C7: variants seen among roughly 807,000 people sequenced by gnomAD.
C7 encodes complement C7.
In C7, 83 loss-of-function variants were observed where a neutral mutation model predicts 104.8. The observed-to-expected ratio is 0.79, with a 90% confidence interval of 0.66 to 0.95. The LOEUF (loss-of-function observed/expected upper bound fraction) is 0.95. C7 is among the 40% of genes least tolerant of loss of function. C7 has a pLI of 0.00. For synonymous variants in C7, 415 were observed against 360.6 expected (o/e 1.15, Z -1.71); for missense variants, 1,070 against 1,011.2 (o/e 1.06, Z -0.79).
chr5:40,919,584 C>T (rs324064), intron 1 of C7, among the ~76,000 whole-genome samples: 39,749 of 151,778 alleles, frequency 0.26, 5,920 homozygotes, highest in African/African-American at 0.41. Context: ...TATGACTGTG[C>T]GAGTGCACTC....
chr5:40,979,491 C>T lies in C7; in HGVS notation c.2166-234C>T, dbSNP rs78844764. 6.0e-4 allele frequency among the ~76,000 whole-genome samples: 91 copies of T among 152,168 alleles called. 1 individual carries two copies. The highest frequency in any genetic ancestry group is 2.2e-3 in the African/African-American group (90 of 41,518). Reference sequence around the variant, plus strand: ...ATAGAACTAGATCAACACTAGATATCTACACTTAGAAAAATTGTGAGCAAA... The same window carrying T: ...ATAGAACTAGATCAACACTAGATATTTACACTTAGAAAAATTGTGAGCAAA... On this transcript the variant is annotated intron_variant, in intron 16 of 17. Transcript: ENST00000313164.
chr5:40,983,652 C>T lies in C7; in HGVS notation c.*2079C>T, dbSNP rs569392824. ...ATTGCCTGTGGAGAATTAGGATTGT[C>T]GCAGCAGGTCAGCAAGGAGAAAGTC... On this transcript the variant is annotated 3_prime_UTR_variant, in exon 18 of 18. Transcript: ENST00000313164. Among the ~76,000 whole-genome samples the T allele has an allele frequency of 1.1e-4, 16 of 152,112 alleles. No homozygotes were observed. In the South Asian group the frequency reaches 1.5e-3, roughly 14 times the overall value.
chr5:40,959,468 G>A lies in C7; in HGVS notation c.1509G>A (p.Trp503Ter). The change falls in exon 12 of 18, where the codon TGG becomes TGA. Residue 503 changes from tryptophan to a stop codon, truncating the protein, a stop_gained. Transcript: ENST00000313164. LOFTEE classifies it high-confidence loss of function. The stretch of plus-strand genomic sequence containing the variant: ...TTGTAGGAGGGGTTGATGGAGGTTG[G>A]AGTTGCTGGTCCTCTTGGAGCCCCT... ...GNQAGGVDGG[W>*]SCWSSWSPCV... The A allele has an allele frequency of 2.5e-6, 4 of 1,610,962 alleles. No individual in the cohort carries two copies. The highest frequency in any genetic ancestry group is 3.4e-6 in the Non-Finnish European group (4 of 1,179,186).
At chr5:40,975,695 T>C (rs1292437550) in intron 15 of C7, among the ~76,000 whole-genome samples, 1 of 152,164 alleles carries the variant, frequency 6.6e-6, no homozygotes, top group Non-Finnish European at 1.5e-5. Context: ...AATCTTGTTA[T>C]TGAGACTGCT....
At chr5:40,923,965 C>A (rs1275757386) in intron 1 of C7, among the ~76,000 whole-genome samples, 3 of 152,028 alleles carry the variant, frequency 2.0e-5, no homozygotes, top group Non-Finnish European at 4.4e-5. Context: ...CCACCCCTGG[C>A]CCCCTGAATC....
intron 14 of C7, among the ~76,000 whole-genome samples, chr5:40,965,210 C>A (rs747789376): frequency 6.6e-6 from 1 of 152,188 alleles, no homozygotes; most frequent in Non-Finnish European, 1.5e-5. Context: ...TTCTTAAATG[C>A]TTTGCCTCCT....
chr5:40,936,195 C>T (rs1025056572), intron 4 of C7, 143 bp from the exon 5 acceptor site: 90 of 639,178 alleles, frequency 1.4e-4, no homozygotes, highest in East Asian at 8.4e-5. Context: ...TAGTCCTTTC[C>T]GAGACACTCT....
At chr5:40,959,258 AC>A (rs1307695098) in intron 11 of C7, among the ~76,000 whole-genome samples, 190 bp from the exon 12 acceptor site, 1 of 152,246 alleles carries the variant, frequency 6.6e-6, no homozygotes. Flanking sequence ...CACTAATGCA[AC>A]CTTAATATGG....
At chr5:40,961,061 T>C (rs1002487545) in intron 12 of C7, among the ~76,000 whole-genome samples, 1 of 152,226 alleles carries the variant, frequency 6.6e-6, no homozygotes, top group African/African-American at 2.4e-5. Context: ...TGCTTTCAGT[T>C]ATACACGTTC....
chr5:40,940,198 C>T (rs993043566), intron 6 of C7, among the ~76,000 whole-genome samples: 98 of 152,294 alleles, frequency 6.4e-4, no homozygotes, highest in African/African-American at 2.2e-3. Flanking sequence ...AAAACAGAAT[C>T]GGCCAGTCTC....
chr5:40,965,893 T>G (rs2111687631), intron 14 of C7, among the ~76,000 whole-genome samples: 1 of 151,976 alleles, frequency 6.6e-6, no homozygotes, highest in East Asian at 1.9e-4. Context: ...TCCACCCATC[T>G]TGGCCTCTTA....
intron 1 of C7, among the ~76,000 whole-genome samples, chr5:40,910,492 G>A (rs562086230): frequency 1.3e-5 from 2 of 152,176 alleles, no homozygotes; most frequent in South Asian, 4.1e-4. Flanking sequence ...GCAAGATATG[G>A]ATCTTGATTA....
chr5:40,979,354 T>G (rs939360647), intron 16 of C7, among the ~76,000 whole-genome samples: 8 of 152,208 alleles, frequency 5.3e-5, no homozygotes, highest in African/African-American at 1.9e-4. Flanking sequence ...TGGTCCCATT[T>G]GACTATGATC....
chr5:40,962,921 T>C (rs1252493476), intron 13 of C7, among the ~76,000 whole-genome samples: 1 of 152,168 alleles, frequency 6.6e-6, no homozygotes, highest in Non-Finnish European at 1.5e-5. Context: ...ATTTACTGTT[T>C]CCCCAAATGT....
chr5:40,963,751 C>T (rs1163450224), intron 13 of C7, among the ~76,000 whole-genome samples: 1 of 152,092 alleles, frequency 6.6e-6, no homozygotes, highest in African/African-American at 2.4e-5. Context: ...ACTTCAAATT[C>T]CACCTTGCTT....
intron 15 of C7, among the ~76,000 whole-genome samples, chr5:40,974,911 G>A (rs1579877315): frequency 6.6e-6 from 1 of 152,122 alleles, no homozygotes; most frequent in East Asian, 1.9e-4. Context: ...TGCTATGGGA[G>A]CCTCTTCTGT....
chr5:40,920,882 C>G (rs1229565679), intron 1 of C7, among the ~76,000 whole-genome samples: 1 of 152,084 alleles, frequency 6.6e-6, no homozygotes, highest in Non-Finnish European at 1.5e-5. Context: ...AACCCCATCT[C>G]TACTAAAAAT....
At chr5:40,961,281 T>C (rs1740413845) in intron 12 of C7, among the ~76,000 whole-genome samples, 1 of 152,220 alleles carries the variant, frequency 6.6e-6, no homozygotes, top group Admixed American at 6.5e-5. Flanking sequence ...ATAATGCATA[T>C]ATGCAGAGCA....
intron 3 of C7, among the ~76,000 whole-genome samples, chr5:40,931,917 C>G (rs1403068439): frequency 2.0e-5 from 3 of 152,162 alleles, no homozygotes; most frequent in Admixed American, 2.0e-4. Context: ...TGCCACTACA[C>G]CCGGCTAATT....
Sources: gnomAD v4.1 joint callset for allele counts (sites outside exome capture counted in the v4.1 genomes callset) on GRCh38, gnomAD v4.1.1 for gene constraint, MANE v1.5 for transcripts, NCBI Gene and HGNC (gene_info 2026-07-23, HGNC 2026-07-21) for gene names.